The following ATP2C2 variants were observed in gnomAD, a reference collection of about 807,000 sequenced individuals.
ATP2C2 encodes ATPase secretory pathway Ca2+ transporting 2.
ATP2C2 carries 171 observed loss-of-function variants against 110.8 expected under a neutral mutation model. That is an observed-to-expected ratio of 1.54 (90% CI 1.36 to 1.75). The LOEUF is 1.75. ATP2C2 is among the 40% of genes most tolerant of loss of function. The probability of loss-of-function intolerance (pLI) is 0.00; values close to 1 mark genes in which losing one functional copy is unlikely to be tolerated. For synonymous variants in ATP2C2, 804 were observed against 508.4 expected (o/e 1.58, Z -7.82); for missense variants, 1,963 against 1,235.0 (o/e 1.59, Z -8.84).
intron 6 of ATP2C2, among the ~76,000 whole-genome samples, chr16:84,411,106 C>G (rs888883475): frequency 2.0e-5 from 3 of 152,026 alleles, no homozygotes; most frequent in Non-Finnish European, 4.4e-5. Context: ...GGGAGAGGGT[C>G]TGGAGGTTTA....
At chr16:84,455,247 G>A (rs947600610) in intron 21 of ATP2C2, among the ~76,000 whole-genome samples, 1 of 152,118 alleles carries the variant, frequency 6.6e-6, no homozygotes, top group Non-Finnish European at 1.5e-5. Context: ...GCAGAGATGG[G>A]ATTTGCTGCC....
intron 10 of ATP2C2, among the ~76,000 whole-genome samples, chr16:84,425,189 C>G (rs572898924): frequency 2.0e-5 from 3 of 152,326 alleles, no homozygotes; most frequent in East Asian, 1.9e-4. Flanking sequence ...AAGGGTGTCA[C>G]CTGGCAACAC....
chr16:84,410,983 T>A, intron 6 of ATP2C2: 1 of 586,864 alleles, frequency 1.7e-6, no homozygotes, highest in Non-Finnish European at 3.0e-6. Flanking sequence ...CCATCATCAG[T>A]GTCTAAATCA....
rs1294171599 is a variant in ATP2C2, at chr16:84,456,175, A to C, written c.2147+1191A>C. ...GTTAGGGAGGATTCCCTCTTTTTCT[A>C]TTGATTGGAATAGTTTCAGAAGGAA... On this transcript the variant is annotated intron_variant, in intron 21 of 26. Coordinates refer to ENST00000262429, the MANE Select transcript of ATP2C2 (RefSeq NM_014861.4). 1.5e-4 allele frequency among the ~76,000 whole-genome samples: 18 copies of C among 121,782 alleles called. 1 individual carries two copies. In the South Asian group the frequency reaches 5.2e-3, roughly 35 times the overall value. The allele number at this position is 121,782 out of a possible 152,430, so 79.9% of individuals were successfully genotyped here. A position where few individuals can be genotyped will look rare whatever the true frequency, so the allele number is the denominator to read the frequency against.
chr16:84,450,923 C>G (rs1177807102), intron 17 of ATP2C2, among the ~76,000 whole-genome samples: 2 of 152,154 alleles, frequency 1.3e-5, no homozygotes, highest in African/African-American at 4.8e-5. Flanking sequence ...CCATCCTGCT[C>G]CACCTCACAT....
At chr16:84,434,214 G>A (rs765618272) in intron 11 of ATP2C2, among the ~76,000 whole-genome samples, 80 of 151,992 alleles carry the variant, frequency 5.3e-4, no homozygotes, top group Non-Finnish European at 9.6e-4. Context: ...TCAAGAGATA[G>A]AGATCATCCC....
chr16:84,398,870 C>A (rs563756511), intron 2 of ATP2C2, among the ~76,000 whole-genome samples: 4 of 152,268 alleles, frequency 2.6e-5, no homozygotes, highest in African/African-American at 9.6e-5. Context: ...TCTCTTCAGC[C>A]TCACATTTCT....
At position 84,422,676 on chromosome 16, in the gene ATP2C2, T is replaced by G. The variant is rs753077109; in HGVS notation, c.822T>G (p.Phe274Leu). Residue 274 changes from phenylalanine (F) to leucine (L), a missense_variant, in exon 9 of 27, where the codon TTT becomes TTG. Coordinates refer to ENST00000262429, the MANE Select transcript of ATP2C2 (RefSeq NM_014861.4). ...AAAGCTCTCAGTTCGGAGAAGTGTT[T>G]AAGATGATGCAGGCTGAAGAGGTAA... ...TGESSQFGEV[F>L]KMMQAEETPK... 1.2e-6 allele frequency: 2 copies of G among 1,613,284 alleles called. No homozygotes were observed. The highest frequency in any genetic ancestry group is 2.2e-5 in the South Asian group (2 of 90,968).
intron 1 of ATP2C2, among the ~76,000 whole-genome samples, chr16:84,374,881 C>G (rs189213580): frequency 6.6e-6 from 1 of 152,200 alleles, no homozygotes; most frequent in East Asian, 1.9e-4. Flanking sequence ...ACCTAATAAT[C>G]TATCAAAAAG....
chr16:84,423,435 G>A (rs1470962409), intron 10 of ATP2C2, among the ~76,000 whole-genome samples, 172 bp downstream of exon 10: 1 of 152,204 alleles, frequency 6.6e-6, no homozygotes, highest in Admixed American at 6.5e-5. Flanking sequence ...GTTGGACCAG[G>A]CTGGCTGCTG....
At chr16:84,371,478 C>A (rs1266130103) in intron 1 of ATP2C2, among the ~76,000 whole-genome samples, 2 of 152,208 alleles carry the variant, frequency 1.3e-5, no homozygotes, top group East Asian at 3.8e-4. Flanking sequence ...GTGCTCCAGC[C>A]TGGGCAACAG....
intron 11 of ATP2C2, among the ~76,000 whole-genome samples, chr16:84,432,770 C>G (rs930794965): frequency 3.3e-5 from 5 of 152,116 alleles, no homozygotes; most frequent in African/African-American, 1.2e-4. Context: ...ATCTGCCTGC[C>G]TCTGCCTTCC....
chr16:84,408,440 T>C lies in ATP2C2; in HGVS notation c.363T>C (p.Ser121=). The C allele has an allele frequency of 1.2e-6, 2 of 1,613,946 alleles. No homozygotes were observed. The highest frequency in any genetic ancestry group is 1.7e-6 in the Non-Finnish European group (2 of 1,180,004). The change falls in exon 4 of 27, where the codon TCT becomes TCC. Residue 121 remains serine (S), a synonymous_variant. Coordinates refer to ENST00000262429, the MANE Select transcript of ATP2C2 (RefSeq NM_014861.4). ...KNPLILLLLG[S]ALVSVLTKEY... is the part of the protein sequence containing the mutation. ...CCCTGATCCTGCTGCTGCTGGGCTC[T>C]GCCCTGGTGAGTGTCCTCACCAAGG... is the stretch of plus-strand genomic sequence containing the variant.
chr16:84,419,560 G>A (rs528830293), intron 7 of ATP2C2, among the ~76,000 whole-genome samples: 104 of 152,276 alleles, frequency 6.8e-4, no homozygotes, highest in Non-Finnish European at 1.3e-3. Context: ...ATTAGGATGC[G>A]GACATCATGG....
chr16:84,403,825 G>C (rs1905514683), intron 2 of ATP2C2, among the ~76,000 whole-genome samples: 1 of 152,102 alleles, frequency 6.6e-6, no homozygotes, highest in African/African-American at 2.4e-5. Flanking sequence ...TGAGTGGCTG[G>C]GATTACAGGC....
In ATP2C2 at chr16:84,463,858, C is replaced by T. The variant is rs891923110; in HGVS notation, c.*126C>T. ...GCCTTCCATCACCGGATCAGTTTTT[C>T]CTCTTAGGAAAGCTGCAGGAACCTC... On this transcript the variant is annotated 3_prime_UTR_variant, in exon 27 of 27. Transcript: ENST00000262429. 7 of 872,616 alleles carry T rather than the reference C, an allele frequency of 8.0e-6. No homozygotes were observed. In the South Asian group the frequency reaches 1.1e-4, roughly 14 times the overall value. The allele number at this position is 872,616 out of a possible 1,614,324, so 54.1% of individuals were successfully genotyped here. A position where few individuals can be genotyped will look rare whatever the true frequency, so the allele number is the denominator to read the frequency against.
At chr16:84,389,261 C>T (rs534672327) in intron 1 of ATP2C2, among the ~76,000 whole-genome samples, 3 of 152,308 alleles carry the variant, frequency 2.0e-5, no homozygotes, top group South Asian at 4.1e-4. Context: ...GCCCCTCATT[C>T]CAGTACCTCT....
At chr16:84,415,022 A>C (rs1273198601) in intron 6 of ATP2C2, among the ~76,000 whole-genome samples, 3 of 152,100 alleles carry the variant, frequency 2.0e-5, no homozygotes, top group Non-Finnish European at 4.4e-5. Flanking sequence ...GCATATCCGT[A>C]GTCTGAGGGC....
chr16:84,440,781 GAC>G, intron 13 of ATP2C2, 74 bp from the exon 14 acceptor site: 3 of 1,111,460 alleles, frequency 2.7e-6, no homozygotes, highest in Non-Finnish European at 4.1e-6. Flanking sequence ...GGATCCCCAG[GAC>G]AGAGATTGTG....
Sources: allele counts gnomAD v4.1 joint callset (sites outside exome capture counted in the v4.1 genomes callset), GRCh38; gene constraint gnomAD v4.1.1; transcripts MANE v1.5; gene names NCBI Gene and HGNC (gene_info 2026-07-23, HGNC 2026-07-21).